The following LARGE1 variants were observed in gnomAD, a reference collection of about 807,000 sequenced individuals.
LARGE1 encodes the protein xylosyl- and glucuronyltransferase LARGE1.
LARGE1 carries 43 observed loss-of-function variants against 87.6 expected under a neutral mutation model. The observed-to-expected ratio is 0.49, with a 90% CI of 0.38 to 0.63. The LOEUF (loss-of-function observed/expected upper bound fraction) is 0.63. Among genes scored for constraint, LARGE1 ranks in the 30% least tolerant of loss-of-function variants. The pLI, the probability that LARGE1 is intolerant of heterozygous loss-of-function variation, is 0.00. For missense variants in LARGE1, 802 were observed against 1,000.2 expected (o/e 0.80, Z 2.67); for synonymous variants, 434 against 394.6 (o/e 1.10, Z -1.18).
chr22:33,694,323 G>A (rs765071417), intron 2 of LARGE1, among the ~76,000 whole-genome samples: 1 of 152,210 alleles, frequency 6.6e-6, no homozygotes, highest in Non-Finnish European at 1.5e-5. Flanking sequence ...CTGCTTAGGA[G>A]AAATTCTGTT....
chr22:33,294,639 G>A (rs565947813), intron 12 of LARGE1, among the ~76,000 whole-genome samples: 15 of 152,236 alleles, frequency 9.9e-5, no homozygotes, highest in African/African-American at 3.4e-4. Flanking sequence ...TTCATGTTGG[G>A]TCTGCATCTT....
intron 10 of LARGE1, chr22:33,321,119 A>T (rs1205292228): frequency 3.3e-5 from 5 of 152,266 alleles, no homozygotes; most frequent in Admixed American, 2.0e-4. Context: ...TCACTACCCC[A>T]GAAGGTTATA....
intron 1 of LARGE1, among the ~76,000 whole-genome samples, chr22:33,799,733 A>G (rs2086101522): frequency 6.6e-6 from 1 of 152,168 alleles, no homozygotes; most frequent in Non-Finnish European, 1.5e-5. Context: ...TGCCCGGTCA[A>G]TAAGGAACAT....
the LARGE1 span, chr22:33,137,264 T>C: frequency 6.6e-6 from 1 of 152,342 alleles, no homozygotes; most frequent in Non-Finnish European, 1.5e-5. Flanking sequence ...GAGTCTTTGC[T>C]TGCAGGGTGC....
chr22:33,499,484 A>G (rs898008458), intron 6 of LARGE1, among the ~76,000 whole-genome samples: 4 of 152,194 alleles, frequency 2.6e-5, no homozygotes, highest in African/African-American at 9.7e-5. Flanking sequence ...TGAAAAGTGG[A>G]AGCCTGCAGC....
chr22:33,076,508 T>G, the LARGE1 span, among the ~76,000 whole-genome samples: 2 of 152,210 alleles, frequency 1.3e-5, no homozygotes, highest in Non-Finnish European at 2.9e-5. Flanking sequence ...GTATCTGTTT[T>G]GAAGCACCAG....
At chr22:33,562,390 G>A (rs956178658) in intron 6 of LARGE1, among the ~76,000 whole-genome samples, 1 of 152,178 alleles carries the variant, frequency 6.6e-6, no homozygotes, top group Non-Finnish European at 1.5e-5. Context: ...TTGAAGGCAG[G>A]TGCTGTGTTC....
At chr22:33,561,268 T>C (rs2077850362) in intron 6 of LARGE1, among the ~76,000 whole-genome samples, 1 of 152,180 alleles carries the variant, frequency 6.6e-6, no homozygotes, top group Admixed American at 6.6e-5. Flanking sequence ...ATTTGCGCCT[T>C]CCATTGAAGA....
intron 13 of LARGE1, among the ~76,000 whole-genome samples, chr22:33,281,389 G>GT (rs1930414063): frequency 6.9e-6 from 1 of 145,640 alleles, no homozygotes; most frequent in Non-Finnish European, 1.5e-5. Flanking sequence ...TTAAACACTG[G>GT]TTAAAAAAAA....
At chr22:33,540,035 C>T (rs738750) in intron 6 of LARGE1, among the ~76,000 whole-genome samples, 53,750 of 151,960 alleles carry the variant, frequency 0.35, 10,914 homozygotes, top group Non-Finnish European at 0.47. Flanking sequence ...GCCTGGTGCA[C>T]GGGGGCCAGT....
intron 1 of LARGE1, among the ~76,000 whole-genome samples, chr22:33,816,866 G>A (rs2086669070): frequency 6.6e-6 from 1 of 152,080 alleles, no homozygotes; most frequent in African/African-American, 2.4e-5. Context: ...ATTCCAGGAT[G>A]CTCTCCAGGA....
intron 7 of LARGE1, among the ~76,000 whole-genome samples, chr22:33,417,723 C>A (rs2066550632): frequency 6.6e-6 from 1 of 152,300 alleles, no homozygotes; most frequent in South Asian, 2.1e-4. Context: ...CACTTCTAAG[C>A]TCATCCAGGT....
chr22:33,797,915 A>G (rs572978135), intron 1 of LARGE1, among the ~76,000 whole-genome samples: 2 of 152,346 alleles, frequency 1.3e-5, no homozygotes, highest in African/African-American at 2.4e-5. Flanking sequence ...TCATAATCCT[A>G]ATGCACAGAG....
At chr22:33,688,367 T>C (rs1386028668) in intron 2 of LARGE1, among the ~76,000 whole-genome samples, 2 of 152,216 alleles carry the variant, frequency 1.3e-5, no homozygotes, top group African/African-American at 4.8e-5. Context: ...TTTTCTTTTT[T>C]TGAGACGGAG....
At chr22:33,384,511 A>G (rs2065260594) in intron 7 of LARGE1, among the ~76,000 whole-genome samples, 1 of 125,046 alleles carries the variant, frequency 8.0e-6, no homozygotes, top group African/African-American at 2.7e-5. Flanking sequence ...GGAGACGAAT[A>G]CACCTGGGTT....
intron 2 of LARGE1, among the ~76,000 whole-genome samples, chr22:33,663,252 G>T (rs2081181390): frequency 6.6e-6 from 1 of 152,172 alleles, no homozygotes. Context: ...CCAAGAGCAA[G>T]ATAGATGTTT....
chr22:33,650,730 G>A, intron 2 of LARGE1, 62 bp from the exon 3 acceptor site: 1 of 1,575,816 alleles, frequency 6.3e-7, no homozygotes, highest in South Asian at 1.1e-5. Flanking sequence ...GCCCCTCCAA[G>A]TTCCCCAGAC....
At chr22:33,891,948 T>C (rs2065017518) in intron 1 of LARGE1, among the ~76,000 whole-genome samples, 1 of 152,212 alleles carries the variant, frequency 6.6e-6, no homozygotes, top group South Asian at 2.1e-4. Context: ...TATTCTCGAC[T>C]TTGACAACAT....
intron 1 of LARGE1, among the ~76,000 whole-genome samples, chr22:33,813,074 G>T (rs1466103802): frequency 6.6e-6 from 1 of 152,024 alleles, no homozygotes; most frequent in Non-Finnish European, 1.5e-5. Flanking sequence ...GCCACTCTAG[G>T]CCGGGCGCAG....
Sources: allele counts gnomAD v4.1 joint callset (sites outside exome capture counted in the v4.1 genomes callset), GRCh38; gene constraint gnomAD v4.1.1; transcripts MANE v1.5; gene names NCBI Gene and HGNC (gene_info 2026-07-23, HGNC 2026-07-21).